Variants in C8orf34 observed in about 807,000 individuals in gnomAD.
The protein encoded by C8orf34 is chromosome 8 open reading frame 34, also known as uncharacterized protein C8orf34.
Under a neutral mutation model 68.3 loss-of-function variants are expected in C8orf34, and 65 were observed. The observed-to-expected ratio is 0.95, with a 90% CI of 0.78 to 1.17. The LOEUF (loss-of-function observed/expected upper bound fraction) is 1.17. Among genes scored for constraint, C8orf34 ranks in the 50% most tolerant of loss-of-function variants. The probability of loss-of-function intolerance (pLI) is 0.00; values close to 1 mark genes in which losing one functional copy is unlikely to be tolerated. For synonymous variants in C8orf34, 244 were observed against 241.2 expected (o/e 1.01, Z -0.11); for missense variants, 664 against 655.4 (o/e 1.01, Z -0.14).
In C8orf34 at chr8:68,505,738, CAAAAAAA is replaced by C. The variant is rs778441254; in HGVS notation, c.766-16048_766-16042del. Among the ~76,000 whole-genome samples the C allele has an allele frequency of 7.3e-5, 5 of 68,302 alleles. 2 individuals carry two copies. The highest frequency in any genetic ancestry group is 2.3e-4 in the African/African-American group (5 of 21,972). 44.8% of individuals were successfully genotyped at this position (68,302 alleles called of 152,430 possible). On this transcript the variant is annotated intron_variant, in intron 5 of 13. Transcript: ENST00000518698. ...GGGCGACAGAGCGAGACTCCGTCTC[CAAAAAAA>C]AAAAAAAAAAAAGAATGAGCAACAT...
rs1404184751 is a variant in C8orf34, at chr8:68,687,145, G to A, written c.1242-21849G>A. On this transcript the variant is annotated intron_variant, in intron 8 of 13. Coordinates refer to ENST00000518698, the MANE Select transcript of C8orf34 (RefSeq NM_052958.4). ...ACTAATAAATGGAAACACATCCCAT[G>A]CTAATAGATGGATAGAATCAATACT... Among the ~76,000 whole-genome samples, 4 of 152,130 alleles carry A rather than the reference G, an allele frequency of 2.6e-5. No individual in the cohort carries two copies. In the East Asian group the frequency reaches 7.7e-4, roughly 29 times the overall value.
intron 2 of C8orf34, among the ~76,000 whole-genome samples, chr8:68,442,168 A>T (rs1810936172): frequency 6.6e-6 from 1 of 152,230 alleles, no homozygotes; most frequent in East Asian, 1.9e-4. Context: ...TGTGGTGAGG[A>T]TATTTGCCAA....
intron 10 of C8orf34, among the ~76,000 whole-genome samples, chr8:68,734,544 CA>C (rs1406215552): frequency 6.6e-6 from 1 of 152,186 alleles, no homozygotes; most frequent in Non-Finnish European, 1.5e-5. Flanking sequence ...CTATTCCCAA[CA>C]AAACTTCCAC....
intron 1 of C8orf34, among the ~76,000 whole-genome samples, chr8:68,383,349 A>G (rs7838935): frequency 0.44 from 66,734 of 151,946 alleles, 14,847 homozygotes; most frequent in Non-Finnish European, 0.48. Context: ...CCATTTCCCC[A>G]TTTCCTACTT....
intron 3 of C8orf34, among the ~76,000 whole-genome samples, chr8:68,453,003 A>C (rs1314038999): frequency 6.6e-6 from 1 of 151,920 alleles, no homozygotes; most frequent in Non-Finnish European, 1.5e-5. Context: ...TTGTCTCAGT[A>C]CCAATTTTTT....
chr8:68,627,975 A>T (rs966151382), intron 7 of C8orf34, among the ~76,000 whole-genome samples: 8 of 152,214 alleles, frequency 5.3e-5, no homozygotes, highest in African/African-American at 9.6e-5. Context: ...GACATGGAAT[A>T]TATGTAAATT....
intron 11 of C8orf34, among the ~76,000 whole-genome samples, chr8:68,783,886 A>T (rs754627171): frequency 6.6e-6 from 1 of 152,210 alleles, no homozygotes; most frequent in East Asian, 1.9e-4. Context: ...CACTTTCAAT[A>T]TTAAAAATAA....
intron 4 of C8orf34, among the ~76,000 whole-genome samples, chr8:68,487,633 A>C (rs1382643434): frequency 1.3e-5 from 2 of 152,198 alleles, no homozygotes; most frequent in African/African-American, 4.8e-5. Flanking sequence ...TTAATATCTA[A>C]TTATTCTGGG....
At chr8:68,565,211 G>GT (rs1563533191) in intron 7 of C8orf34, among the ~76,000 whole-genome samples, 1 of 151,870 alleles carries the variant, frequency 6.6e-6, no homozygotes, top group Admixed American at 6.6e-5. Flanking sequence ...GTCTTTTTGG[G>GT]TTTGTCTCTA....
chr8:68,508,291 A>C (rs917710095), intron 5 of C8orf34, among the ~76,000 whole-genome samples: 2 of 152,214 alleles, frequency 1.3e-5, no homozygotes, highest in African/African-American at 4.8e-5. Flanking sequence ...CTTCCAAGTT[A>C]TCATAGATGA....
chr8:68,700,716 G>A (rs1481093214), intron 8 of C8orf34, among the ~76,000 whole-genome samples: 1 of 152,094 alleles, frequency 6.6e-6, no homozygotes, highest in African/African-American at 2.4e-5. Flanking sequence ...CTCAGGGCTT[G>A]AGGCAGAGCA....
intron 7 of C8orf34, among the ~76,000 whole-genome samples, chr8:68,580,483 G>A (rs1325106592): frequency 6.6e-6 from 1 of 152,062 alleles, no homozygotes; most frequent in Non-Finnish European, 1.5e-5. Context: ...ACTTTATAGT[G>A]AATGCTCTCA....
chr8:68,375,904 A>G (rs1586013116), intron 1 of C8orf34, among the ~76,000 whole-genome samples: 1 of 152,292 alleles, frequency 6.6e-6, no homozygotes, highest in Middle Eastern at 3.4e-3. Flanking sequence ...AGGCATGTAT[A>G]TAGGTTTGAA....
chr8:68,648,644 G>T (rs1317165091), intron 8 of C8orf34, among the ~76,000 whole-genome samples: 2 of 152,148 alleles, frequency 1.3e-5, no homozygotes, highest in Non-Finnish European at 2.9e-5. Context: ...ACAAAAAAGG[G>T]AGCCGAAAGC....
intron 10 of C8orf34, among the ~76,000 whole-genome samples, chr8:68,759,110 T>C (rs1391746149): frequency 6.6e-6 from 1 of 152,116 alleles, no homozygotes; most frequent in Non-Finnish European, 1.5e-5. Flanking sequence ...ATATGAAATA[T>C]ATACACACAG....
chr8:68,666,783 A>T (rs755398472), intron 8 of C8orf34, among the ~76,000 whole-genome samples: 1 of 152,190 alleles, frequency 6.6e-6, no homozygotes. Context: ...AGAAAAAATG[A>T]ATTGATTTTT....
intron 7 of C8orf34, among the ~76,000 whole-genome samples, chr8:68,610,643 G>A (rs1817988455): frequency 1.3e-5 from 2 of 152,088 alleles, no homozygotes; most frequent in Non-Finnish European, 2.9e-5. Flanking sequence ...CAGAGCCATA[G>A]AAGGAGGTGG....
At chr8:68,730,544 A>G (rs1385229401) in intron 10 of C8orf34, among the ~76,000 whole-genome samples, 3 of 152,126 alleles carry the variant, frequency 2.0e-5, no homozygotes, top group Non-Finnish European at 4.4e-5. Flanking sequence ...TTATTTTTTA[A>G]AACATCTATG....
rs540018503 is a variant in C8orf34 at position 68,441,929 on chromosome 8, G to T, written c.475+2283G>T. 3.3e-5 allele frequency among the ~76,000 whole-genome samples: 5 copies of T among 152,274 alleles called. No homozygotes were observed. In the South Asian group the frequency reaches 1.0e-3, roughly 32 times the overall value. On this transcript the variant is annotated intron_variant, in intron 2 of 13. Coordinates refer to ENST00000518698, the MANE Select transcript of C8orf34 (RefSeq NM_052958.4). ...TACCTATTGATGATTTTAATTTCTT[G>T]TGGCACACTTTAGTAGATAATTACA... is the stretch of plus-strand genomic sequence containing the variant.
Sources: allele counts gnomAD v4.1 joint callset (sites outside exome capture counted in the v4.1 genomes callset), GRCh38; gene constraint gnomAD v4.1.1; transcripts MANE v1.5; gene names NCBI Gene and HGNC (gene_info 2026-07-23, HGNC 2026-07-21).